PTGES3: variants seen among roughly 807,000 people sequenced by gnomAD.
PTGES3 encodes the protein Hsp90 co-chaperone.
PTGES3 carries 5 observed loss-of-function variants against 29.9 expected under a neutral mutation model. The observed-to-expected ratio is 0.17, with a 90% CI of 0.09 to 0.35. The LOEUF (loss-of-function observed/expected upper bound fraction) is 0.35. Among genes scored for constraint, PTGES3 ranks in the 10% least tolerant of loss-of-function variants. The pLI, the probability that PTGES3 is intolerant of heterozygous loss-of-function variation, is 1.00. For synonymous variants in PTGES3, 49 were observed against 57.8 expected, an observed-to-expected ratio of 0.85 and a Z score of 0.69; for missense variants, 128 against 190.0, an observed-to-expected ratio of 0.67 and a Z score of 1.92.
chr12:56,671,189 A>G (rs1319864806), intron 4 of PTGES3, among the ~76,000 whole-genome samples: 1 of 152,168 alleles, frequency 6.6e-6, no homozygotes, highest in African/African-American at 2.4e-5. Flanking sequence ...GCTTGAGCCC[A>G]GAAGTTCAAG....
chr12:56,670,904 C>T (rs1367211370), intron 4 of PTGES3, among the ~76,000 whole-genome samples: 1 of 152,040 alleles, frequency 6.6e-6, no homozygotes, highest in Non-Finnish European at 1.5e-5. Flanking sequence ...TTCAGGAGTT[C>T]GAGACAGCCT....
intron 5 of PTGES3, among the ~76,000 whole-genome samples, chr12:56,668,302 A>T (rs938756617): frequency 2.6e-5 from 4 of 152,204 alleles, no homozygotes; most frequent in African/African-American, 9.6e-5. Flanking sequence ...GGGCAGGAAA[A>T]ATGCTAAATG....
chr12:56,680,380 TTC>T (rs1357566983), intron 1 of PTGES3, among the ~76,000 whole-genome samples: 2 of 149,066 alleles, frequency 1.3e-5, no homozygotes, highest in African/African-American at 2.5e-5. Flanking sequence ...CAACCCAATT[TTC>T]TTTCTTTTTT....
chr12:56,687,852 G>C (rs1156292132), intron 1 of PTGES3, 146 bp downstream of exon 1: 2 of 1,505,004 alleles, frequency 1.3e-6, no homozygotes, highest in Non-Finnish European at 1.8e-6. Context: ...AACGGTAACC[G>C]GAACAAGGAT....
intron 1 of PTGES3, among the ~76,000 whole-genome samples, chr12:56,680,167 G>A (rs762060777): frequency 7.9e-5 from 12 of 151,606 alleles, no homozygotes; most frequent in Non-Finnish European, 1.8e-4. Context: ...CACTTCCGGG[G>A]TTCAGGTGAT....
At chr12:56,683,407 A>G (rs1419945919) in intron 1 of PTGES3, among the ~76,000 whole-genome samples, 3 of 132,304 alleles carry the variant, frequency 2.3e-5, no homozygotes, top group Admixed American at 1.8e-4. Flanking sequence ...CAGGAGGCGG[A>G]GGTTGCGGTG....
intron 4 of PTGES3, 183 bp from the exon 5 acceptor site, chr12:56,670,547 G>A (rs532484870): frequency 7.1e-6 from 4 of 559,504 alleles, no homozygotes; most frequent in Non-Finnish European, 1.3e-5. Context: ...GACCAGCTCC[G>A]TTTCTGACCA....
chr12:56,688,094 C>G lies in PTGES3; in HGVS notation c.-95G>C. The G allele has an allele frequency of 2.8e-6, 4 of 1,437,210 alleles. No individual in the cohort carries two copies. The highest frequency in any genetic ancestry group is 3.7e-6 in the Non-Finnish European group (4 of 1,095,624). The allele number at this position is 1,437,210 out of a possible 1,614,324, so 89.0% of individuals were successfully genotyped here. A position where few individuals can be genotyped will look rare whatever the true frequency, so the allele number is the denominator to read the frequency against. On this transcript the variant is annotated 5_prime_UTR_variant, in exon 1 of 8. Coordinates refer to ENST00000262033, the MANE Select transcript of PTGES3 (RefSeq NM_006601.7). Reference sequence around the variant, plus strand: ...CGACTTCTCTCCGGTGGCGACTCCGCTTTTTCTCTCCGGTCGCGGCCTCTT... The same window carrying G: ...CGACTTCTCTCCGGTGGCGACTCCGGTTTTTCTCTCCGGTCGCGGCCTCTT...
At chr12:56,674,960 G>A (rs1952167733) in intron 1 of PTGES3, among the ~76,000 whole-genome samples, 1 of 127,710 alleles carries the variant, frequency 7.8e-6, no homozygotes, top group Non-Finnish European at 1.6e-5. Flanking sequence ...GCCGAGATCA[G>A]GCCATTGCAC....
intron 1 of PTGES3, among the ~76,000 whole-genome samples, chr12:56,680,333 C>A (rs945821648): frequency 3.3e-5 from 5 of 151,784 alleles, no homozygotes; most frequent in Non-Finnish European, 7.4e-5. Context: ...CCTCAGTCCC[C>A]CAAAGTGGTG....
intron 6 of PTGES3, 178 bp downstream of exon 6, chr12:56,666,025 TC>T (rs1951770496): frequency 7.3e-7 from 1 of 1,369,648 alleles, no homozygotes; most frequent in Non-Finnish European, 9.5e-7. Context: ...TACAACCAGT[TC>T]CCTAATAGAT....
intron 1 of PTGES3, 76 bp downstream of exon 1, chr12:56,687,922 G>T: frequency 6.2e-7 from 1 of 1,603,338 alleles, no homozygotes. Flanking sequence ...AAAGGCTAGG[G>T]GGCCGCTTCC....
intron 4 of PTGES3, 37 bp downstream of exon 4, chr12:56,671,712 A>T: frequency 7.5e-7 from 1 of 1,326,582 alleles, no homozygotes; most frequent in Non-Finnish European, 1.0e-6. Flanking sequence ...CTAAAATAAA[A>T]ATATCAAACT....
rs1334748292 is a variant in PTGES3 at position 56,688,080 on chromosome 12, C to G, written c.-81G>C. The G allele has an allele frequency of 8.3e-6, 12 of 1,444,362 alleles. No homozygotes were observed. The Admixed American group carries it at 3.0e-4, about 36-fold the overall frequency. The allele number at this position is 1,444,362 out of a possible 1,614,324, so 89.5% of individuals were successfully genotyped here. A position where few individuals can be genotyped will look rare whatever the true frequency, so the allele number is the denominator to read the frequency against. ...TGCTGCTAGGGAGTCGACTTCTCTCCGGTGGCGACTCCGCTTTTTCTCTCC... is the reference window on the plus strand; with the variant it reads ...TGCTGCTAGGGAGTCGACTTCTCTCGGGTGGCGACTCCGCTTTTTCTCTCC... On this transcript the variant is annotated 5_prime_UTR_variant, in exon 1 of 8. Coordinates refer to ENST00000262033, the MANE Select transcript of PTGES3 (RefSeq NM_006601.7).
In PTGES3 at chr12:56,671,772, T is replaced by G. The variant is rs1334079579; in HGVS notation, c.262A>C (p.Arg88=). ...ACCTTTGCCCTTTCTTTTGTTAACC[T>G]TGGCCATGACTGGCCAGATTCTCCT... The part of the protein sequence containing the change: ...RKGESGQSWP[R]LTKERAKLNW... Residue 88 remains arginine (R), a synonymous_variant, in exon 4 of 8, where the codon AGG becomes CGG. Coordinates refer to ENST00000262033, the MANE Select transcript of PTGES3 (RefSeq NM_006601.7). 1.3e-6 allele frequency: 2 copies of G among 1,563,188 alleles called. No individual in the cohort carries two copies. The highest frequency in any genetic ancestry group is 1.7e-6 in the Non-Finnish European group (2 of 1,154,418).
chr12:56,680,135 G>C (rs1386056723), intron 1 of PTGES3, among the ~76,000 whole-genome samples: 8 of 150,062 alleles, frequency 5.3e-5, no homozygotes, highest in South Asian at 2.1e-4. Flanking sequence ...GCAATGGCGC[G>C]ATCACAGCTC....
chr12:56,665,309 G>A (rs137912287), intron 6 of PTGES3: 67 of 939,434 alleles, frequency 7.1e-5, no homozygotes, highest in Non-Finnish European at 8.1e-5. Context: ...TTTTTTGGGT[G>A]GGGGGAGATG....
intron 1 of PTGES3, among the ~76,000 whole-genome samples, chr12:56,675,083 C>T (rs7311160): frequency 0.41 from 60,413 of 146,388 alleles, 15,430 homozygotes; most frequent in South Asian, 0.61. Flanking sequence ...AGGCGGATCA[C>T]GAGGTCAGGA....
intron 1 of PTGES3, among the ~76,000 whole-genome samples, chr12:56,677,325 A>G (rs546431102): frequency 2.0e-5 from 3 of 151,994 alleles, no homozygotes. Flanking sequence ...CTTAGAGTGG[A>G]AACTACCACA....
Sources: allele counts gnomAD v4.1 joint callset (sites outside exome capture counted in the v4.1 genomes callset), GRCh38; gene constraint gnomAD v4.1.1; transcripts MANE v1.5; gene names NCBI Gene and HGNC (gene_info 2026-07-23, HGNC 2026-07-21).